Variants in KLHL29 observed in about 807,000 individuals in gnomAD.
The protein encoded by KLHL29 is kelch-like protein 29.
Under a neutral mutation model 80.4 loss-of-function variants are expected in KLHL29, and 21 were observed. That is an observed-to-expected ratio of 0.26 (90% CI 0.19 to 0.38). The LOEUF (loss-of-function observed/expected upper bound fraction) is 0.38. Ranked by LOEUF, KLHL29 falls within the 10% of genes least tolerant of loss-of-function variation. The probability of loss-of-function intolerance (pLI) is 1.00; values close to 1 mark genes in which losing one functional copy is unlikely to be tolerated. For synonymous variants in KLHL29, 511 were observed against 526.8 expected, an observed-to-expected ratio of 0.97 and a Z score of 0.41; for missense variants, 867 against 1,223.9, an observed-to-expected ratio of 0.71 and a Z score of 4.35.
intron 2 of KLHL29, among the ~76,000 whole-genome samples, chr2:23,515,391 C>T (rs1447564850): frequency 1.3e-5 from 2 of 152,218 alleles, no homozygotes; most frequent in Non-Finnish European, 2.9e-5. Flanking sequence ...AAGGATGTTT[C>T]TCTGCCCAGA....
chr2:23,642,723 C>T lies in KLHL29; in HGVS notation c.813C>T (p.Ser271=), dbSNP rs571147270. The T allele has an allele frequency of 3.0e-4, 465 of 1,549,212 alleles. 6 individuals carry two copies. In the South Asian group the frequency reaches 4.4e-3, roughly 15 times the overall value. ...CTCCACCGCCGCCAGCCCAGCCGTC[C>T]GCCACTCTCCCCAGTGGTGCCCCTG... is the stretch of plus-strand genomic sequence containing the variant. ...LLPPPPPAQP[S]ATLPSGAPAT... is the part of the protein sequence containing the mutation. Residue 271 remains serine (S), a synonymous_variant, in exon 5 of 14, where the codon TCC becomes TCT. Transcript: ENST00000486442.
intron 3 of KLHL29, among the ~76,000 whole-genome samples, chr2:23,594,330 C>T (rs577461924): frequency 9.2e-5 from 14 of 152,254 alleles, no homozygotes; most frequent in African/African-American, 1.4e-4. Context: ...AAGTCTGAGG[C>T]GCCCGCAGAC....
In KLHL29 at chr2:23,642,839, G is replaced by A. The variant is rs547887561; in HGVS notation, c.929G>A (p.Gly310Glu). 1.9e-6 allele frequency: 3 copies of A among 1,550,362 alleles called. No homozygotes were observed. The highest frequency in any genetic ancestry group is 2.6e-6 in the Non-Finnish European group (3 of 1,146,854). The stretch of plus-strand genomic sequence containing the variant: ...GGGAAGTATGAGTTCACCGACCCGG[G>A]GCACCCCAGAGGTAAGTCCTGCTGC... ...GVGKYEFTDP[G>E]HPREMLKELN... The change falls in exon 5 of 14, where the codon GGG becomes GAG. Residue 310 changes from glycine (G) to glutamate (E), a missense_variant. This residue lies in a region of KLHL29 where 424 missense variants were observed against 456.9 expected (regional missense o/e 0.93). Transcript: ENST00000486442.
chr2:23,546,874 C>T (rs932722791), intron 2 of KLHL29, among the ~76,000 whole-genome samples: 1 of 152,224 alleles, frequency 6.6e-6, no homozygotes, highest in Non-Finnish European at 1.5e-5. Flanking sequence ...GAGGGTTGTG[C>T]TGGTGGCAGT....
chr2:23,555,135 A>G (rs890568644), intron 2 of KLHL29, among the ~76,000 whole-genome samples: 4 of 148,728 alleles, frequency 2.7e-5, no homozygotes, highest in Non-Finnish European at 4.4e-5. Flanking sequence ...CCCCCCCTCA[A>G]CTTGTGTCTC....
chr2:23,623,573 C>G (rs1418401664), intron 3 of KLHL29, among the ~76,000 whole-genome samples: 1 of 152,072 alleles, frequency 6.6e-6, no homozygotes, highest in Non-Finnish European at 1.5e-5. Context: ...CTGGAGTCAT[C>G]GGAAAAGAAA....
chr2:23,659,399 T>C (rs906175618), intron 5 of KLHL29, among the ~76,000 whole-genome samples: 6 of 152,198 alleles, frequency 3.9e-5, no homozygotes, highest in Admixed American at 3.3e-4. Flanking sequence ...TGAAGTAACT[T>C]TCCCATGCTT....
At chr2:23,558,106 G>A (rs1667345329) in intron 2 of KLHL29, among the ~76,000 whole-genome samples, 1 of 152,142 alleles carries the variant, frequency 6.6e-6, no homozygotes, top group South Asian at 2.1e-4. Context: ...CATCCTATCC[G>A]CCAGACTCCA....
chr2:23,531,791 G>A (rs140541769), intron 2 of KLHL29, among the ~76,000 whole-genome samples: 1 of 152,302 alleles, frequency 6.6e-6, no homozygotes, highest in African/African-American at 2.4e-5. Context: ...TGTCCTTAAA[G>A]GAAATCCTTC....
intron 2 of KLHL29, among the ~76,000 whole-genome samples, chr2:23,540,191 G>A (rs1666791320): frequency 6.6e-6 from 1 of 152,098 alleles, no homozygotes; most frequent in Admixed American, 6.6e-5. Flanking sequence ...TACCTGCCCA[G>A]CCCCCCAGAA....
At chr2:23,579,616 G>A (rs556792351) in intron 3 of KLHL29, among the ~76,000 whole-genome samples, 1 of 152,198 alleles carries the variant, frequency 6.6e-6, no homozygotes, top group East Asian at 1.9e-4. Context: ...CCATAGTCCA[G>A]GCCCATCATA....
chr2:23,409,736 T>C (rs567568363), intron 1 of KLHL29, among the ~76,000 whole-genome samples: 6 of 152,220 alleles, frequency 3.9e-5, no homozygotes, highest in Non-Finnish European at 7.3e-5. Flanking sequence ...CCATGCCTGG[T>C]TCTTTCCCTC....
At position 23,482,844 on chromosome 2, in the gene KLHL29, C is replaced by G. The variant is rs1229121713; in HGVS notation, c.-46+7177C>G. Among the ~76,000 whole-genome samples the G allele has an allele frequency of 6.6e-5, 10 of 151,552 alleles. 1 individual carries two copies. Among genetic ancestry groups the G allele is most frequent in the Non-Finnish European group, 1.2e-4 (8 of 67,882 alleles). ...ACGCTCACTCATTCATTCATTCATT[C>G]ATTCATTCATTCATTCATTCATTCA... On this transcript the variant is annotated intron_variant, in intron 2 of 13. Transcript: ENST00000486442.
At chr2:23,416,306 T>C (rs985640273) in intron 1 of KLHL29, among the ~76,000 whole-genome samples, 4 of 152,148 alleles carry the variant, frequency 2.6e-5, no homozygotes, top group Non-Finnish European at 5.9e-5. Flanking sequence ...GGACTGGATG[T>C]CTTGCAGCTG....
chr2:23,598,948 C>T (rs1172516603), intron 3 of KLHL29, among the ~76,000 whole-genome samples: 3 of 152,214 alleles, frequency 2.0e-5, no homozygotes, highest in African/African-American at 4.8e-5. Context: ...AGGCTTGGCC[C>T]GGAGCCCCAT....
At position 23,628,870 on chromosome 2, in the gene KLHL29, A is replaced by G. The variant is rs533996666; in HGVS notation, c.286-10269A>G. Among the ~76,000 whole-genome samples, 4 of 151,680 alleles carry G rather than the reference A, an allele frequency of 2.6e-5. No homozygotes were observed. The East Asian group carries it at 7.8e-4, about 30-fold the overall frequency. ...GTGTGATGTGCGTCTGCGAGTCTAC[A>G]GCTGACCCTGGGGAGGGCGGGGGTG... On this transcript the variant is annotated intron_variant, in intron 3 of 13. Coordinates refer to ENST00000486442, the MANE Select transcript of KLHL29 (RefSeq NM_052920.2).
chr2:23,460,142 C>T (rs1448970473), intron 1 of KLHL29, among the ~76,000 whole-genome samples: 2 of 152,208 alleles, frequency 1.3e-5, no homozygotes, highest in Admixed American at 6.5e-5. Context: ...CCTATCTCAA[C>T]CTTGAGTAGG....
chr2:23,545,327 C>T (rs532044778), intron 2 of KLHL29, among the ~76,000 whole-genome samples: 1 of 152,366 alleles, frequency 6.6e-6, no homozygotes, highest in Admixed American at 6.5e-5. Context: ...TTGAGCAAGC[C>T]ACCGCATCAC....
chr2:23,390,495 A>G (rs1407800850), intron 1 of KLHL29, among the ~76,000 whole-genome samples: 1 of 152,044 alleles, frequency 6.6e-6, no homozygotes, highest in African/African-American at 2.4e-5. Context: ...ATCACTGATC[A>G]TTTTAAGGAT....
Sources: allele counts gnomAD v4.1 joint callset (sites outside exome capture counted in the v4.1 genomes callset), GRCh38; gene constraint gnomAD v4.1.1; regional missense constraint gnomAD v4.1.1; transcripts MANE v1.5; gene names NCBI Gene and HGNC (gene_info 2026-07-23, HGNC 2026-07-21).